Variants in CPT1A observed in about 807,000 individuals in gnomAD.
The protein encoded by CPT1A is carnitine palmitoyltransferase 1A.
CPT1A carries 64 observed loss-of-function variants against 100.8 expected under a neutral mutation model. The observed-to-expected ratio is 0.63, with a 90% CI of 0.52 to 0.78. The LOEUF (loss-of-function observed/expected upper bound fraction) is 0.78. CPT1A is among the 30% of genes least tolerant of loss of function. The probability of loss-of-function intolerance (pLI) is 0.00; values close to 1 mark genes in which losing one functional copy is unlikely to be tolerated. For synonymous variants in CPT1A, 363 were observed against 396.0 expected (o/e 0.92, Z 0.99); for missense variants, 802 against 1,034.1 (o/e 0.78, Z 3.08).
intron 1 of CPT1A, among the ~76,000 whole-genome samples, chr11:68,822,723 C>T (rs1856617734): frequency 6.6e-6 from 1 of 152,098 alleles, no homozygotes; most frequent in Non-Finnish European, 1.5e-5. Context: ...TAATGTGGTC[C>T]ATCCATACTG....
intron 3 of CPT1A, among the ~76,000 whole-genome samples, chr11:68,809,892 A>T (rs73520860): frequency 0.05 from 7,655 of 152,294 alleles, 634 homozygotes; most frequent in African/African-American, 0.17. Context: ...AAATTAAAGA[A>T]CTGGCCTGGG....
chr11:68,825,596 G>T (rs1470603705), intron 1 of CPT1A, among the ~76,000 whole-genome samples: 1 of 152,128 alleles, frequency 6.6e-6, no homozygotes, highest in Non-Finnish European at 1.5e-5. Context: ...AACCCAACAG[G>T]ATTTTTATGA....
chr11:68,755,178 TGAGA>T lies in CPT1A; in HGVS notation c.*2462_*2465del. The T allele has an allele frequency of 3.3e-6, 1 of 307,338 alleles. No homozygotes were observed. The highest frequency in any genetic ancestry group is 6.2e-6 in the Non-Finnish European group (1 of 160,950). The allele number at this position is 307,338 out of a possible 1,614,324, so 19.0% of individuals were successfully genotyped here. ...AATTACATTTGAAACATTTAAAACC[TGAGA>T]GAGAAACCCAAATATGTTTAAGCAC... On this transcript the variant is annotated 3_prime_UTR_variant, in exon 19 of 19. Coordinates refer to ENST00000265641, the MANE Select transcript of CPT1A (RefSeq NM_001876.4).
At chr11:68,790,719 G>A (rs7126594) in intron 9 of CPT1A, among the ~76,000 whole-genome samples, 121,006 of 152,198 alleles carry the variant, frequency 0.8, 49,160 homozygotes, top group South Asian at 0.89. Context: ...AGCAGCCCCA[G>A]GAAACTGACT....
intron 12 of CPT1A, among the ~76,000 whole-genome samples, chr11:68,779,611 C>T (rs1268526433): frequency 6.7e-6 from 1 of 150,006 alleles, no homozygotes; most frequent in Admixed American, 6.7e-5. Context: ...GCCTGGGCAA[C>T]ATGGGGAAAC....
At chr11:68,820,882 C>A (rs1856565132) in intron 1 of CPT1A, among the ~76,000 whole-genome samples, 1 of 152,124 alleles carries the variant, frequency 6.6e-6, no homozygotes, top group Non-Finnish European at 1.5e-5. Flanking sequence ...ACATCTGTCC[C>A]CCGGAATCTG....
chr11:68,802,431 A>G (rs1427024235), intron 5 of CPT1A, among the ~76,000 whole-genome samples: 2 of 1,024 alleles, frequency 2.0e-3, no homozygotes, highest in African/African-American at 6.6e-3. Flanking sequence ...CCGTCTCTGG[A>G]AAAAAAAAAA....
At chr11:68,774,347 T>A (rs1855083950) in intron 13 of CPT1A, among the ~76,000 whole-genome samples, 2 of 152,144 alleles carry the variant, frequency 1.3e-5, no homozygotes, top group Admixed American at 1.3e-4. Context: ...TGGCTTCCAG[T>A]GAGACCCCAA....
chr11:68,772,157 G>C (rs1315820049), intron 14 of CPT1A, among the ~76,000 whole-genome samples: 1 of 152,194 alleles, frequency 6.6e-6, no homozygotes, highest in Non-Finnish European at 1.5e-5. Context: ...CTCGAGACCA[G>C]CCTGCTCAAC....
Position 68,757,354 on chromosome 11 carries a change from A to T in CPT1A, c.*290T>A. 1 of 1,296,242 alleles carries T rather than the reference A, an allele frequency of 7.7e-7. No homozygotes were observed. 80.3% of individuals were successfully genotyped at this position (1,296,242 alleles called of 1,614,324 possible). ...AAGCCACAACCCTACTAATTCCTTCATTAACTCAACAAGATTTGCATCCCT... is the reference window on the plus strand; with the variant it reads ...AAGCCACAACCCTACTAATTCCTTCTTTAACTCAACAAGATTTGCATCCCT... On this transcript the variant is annotated 3_prime_UTR_variant, in exon 19 of 19. Transcript: ENST00000265641.
chr11:68,838,579 A>AAACAAAACAAAAC (rs1555235323), intron 1 of CPT1A, among the ~76,000 whole-genome samples: 8 of 144,450 alleles, frequency 5.5e-5, no homozygotes, highest in African/African-American at 2.0e-4. Context: ...TTTTAAAAAA[A>AAACAAAACAAAAC]AAAAAAAAAA....
At chr11:68,760,097 G>T in intron 17 of CPT1A, 128 bp downstream of exon 17, 1 of 714,038 alleles carries the variant, frequency 1.4e-6, no homozygotes, top group Non-Finnish European at 2.5e-6. Flanking sequence ...ATGATCAGCA[G>T]TAATTCCTTT....
chr11:68,797,628 G>A (rs1030566551), intron 6 of CPT1A, among the ~76,000 whole-genome samples: 6 of 152,078 alleles, frequency 3.9e-5, no homozygotes, highest in Admixed American at 2.0e-4. Flanking sequence ...AGCTATGATC[G>A]TGCCACTGCA....
rs556781980 is a variant in CPT1A, at chr11:68,803,863, T to A, written c.555+137A>T. The A allele has an allele frequency of 4.2e-5, 28 of 661,322 alleles. No homozygotes were observed. The East Asian group carries it at 7.1e-4, about 17-fold the overall frequency. The allele number at this position is 661,322 out of a possible 1,614,324, so 41.0% of individuals were successfully genotyped here. On this transcript the variant is annotated intron_variant, in intron 5 of 18. Transcript: ENST00000265641. ...ATTGGAGAAAAAAAAAAAAAAGAGT[T>A]CCTATGAGAACCCTACCAGGCACAC...
intron 9 of CPT1A, chr11:68,785,870 C>A: frequency 1.9e-6 from 1 of 540,144 alleles, no homozygotes. Flanking sequence ...AATTACGAAA[C>A]CAAGCCATTC....
rs1398423423 is a variant in CPT1A at position 68,757,665 on chromosome 11, G to A, written c.2301C>T (p.Leu767=). 1 of 1,614,114 alleles carries A rather than the reference G, an allele frequency of 6.2e-7. No homozygotes were observed. The highest frequency in any genetic ancestry group is 8.5e-7 in the Non-Finnish European group (1 of 1,179,994). ...AMTDIITLFG[L]SSNSKK The stretch of plus-strand genomic sequence containing the variant: ...GGAATTACTTTTTGGAATTAGAACT[G>A]AGACCAAACAAAGTGATGATGTCAG... The change falls in exon 19 of 19, where the codon CTC becomes CTT. Residue 767 remains leucine, a synonymous_variant. Coordinates refer to ENST00000265641, the MANE Select transcript of CPT1A (RefSeq NM_001876.4).
chr11:68,796,158 C>T (rs1202076812), intron 7 of CPT1A, among the ~76,000 whole-genome samples: 2 of 152,114 alleles, frequency 1.3e-5, no homozygotes, highest in East Asian at 1.9e-4. Flanking sequence ...TGAAGCGCAG[C>T]GCACTGGTGG....
intron 14 of CPT1A, among the ~76,000 whole-genome samples, chr11:68,768,633 T>C (rs1854894362): frequency 6.6e-6 from 1 of 152,084 alleles, no homozygotes; most frequent in African/African-American, 2.4e-5. Context: ...CTCGAACTCC[T>C]GACCTCAAGT....
chr11:68,820,696 AT>A, intron 1 of CPT1A, among the ~76,000 whole-genome samples: 1 of 152,106 alleles, frequency 6.6e-6, no homozygotes, highest in East Asian at 1.9e-4. Context: ...AAGAAAAAAA[AT>A]CATAGTTTTC....
Sources: gnomAD v4.1 joint callset for allele counts (sites outside exome capture counted in the v4.1 genomes callset) on GRCh38, gnomAD v4.1.1 for gene constraint, MANE v1.5 for transcripts, NCBI Gene and HGNC (gene_info 2026-07-23, HGNC 2026-07-21) for gene names.